The following PIBF1 variants were observed in gnomAD, a reference collection of about 807,000 sequenced individuals.
The protein encoded by PIBF1 is progesterone immunomodulatory binding factor 1.
In PIBF1, 90 loss-of-function variants were observed where a neutral mutation model predicts 112.5. The observed-to-expected ratio is 0.80, with a 90% CI of 0.67 to 0.95. PIBF1 has a LOEUF of 0.95. PIBF1 is among the 40% of genes least tolerant of loss of function. The pLI is 0.00. For synonymous variants in PIBF1, 301 were observed against 288.6 expected, an observed-to-expected ratio of 1.04 and a Z score of -0.44; for missense variants, 915 against 852.3, an observed-to-expected ratio of 1.07 and a Z score of -0.92.
At chr13:72,944,178 G>T (rs2042086560) in intron 14 of PIBF1, among the ~76,000 whole-genome samples, 1 of 152,152 alleles carries the variant, frequency 6.6e-6, no homozygotes, top group Admixed American at 6.6e-5. Context: ...CGGGTGTGGT[G>T]GCTAATGCCT....
intron 16 of PIBF1, among the ~76,000 whole-genome samples, chr13:72,998,471 TAAAA>T (rs71198167): frequency 7.4e-6 from 1 of 135,816 alleles, no homozygotes; most frequent in Non-Finnish European, 1.6e-5. Context: ...AGATCCTATC[TAAAA>T]AAAAAAAAAA....
intron 13 of PIBF1, among the ~76,000 whole-genome samples, chr13:72,921,407 C>T (rs1302732743): frequency 6.6e-6 from 1 of 152,136 alleles, no homozygotes; most frequent in African/African-American, 2.4e-5. Context: ...GCCACCACAC[C>T]AAGCCATGTT....
intron 16 of PIBF1, among the ~76,000 whole-genome samples, chr13:72,985,533 G>C (rs1309155042): frequency 6.6e-6 from 1 of 151,838 alleles, no homozygotes. Flanking sequence ...AACAGGGTGA[G>C]ACTCCGTCTC....
chr13:72,995,435 A>C (rs1278677091), intron 16 of PIBF1, among the ~76,000 whole-genome samples: 1 of 152,242 alleles, frequency 6.6e-6, no homozygotes, highest in East Asian at 1.9e-4. Context: ...ACATGGGTGC[A>C]TAAATAGACA....
chr13:72,812,866 C>G (rs1458383982), intron 5 of PIBF1, among the ~76,000 whole-genome samples: 1 of 151,550 alleles, frequency 6.6e-6, no homozygotes, highest in Non-Finnish European at 1.5e-5. Context: ...TGCTTGAGCC[C>G]GGGGTAGGGG....
At chr13:72,977,468 A>G (rs2043052805) in intron 16 of PIBF1, among the ~76,000 whole-genome samples, 2 of 152,194 alleles carry the variant, frequency 1.3e-5, no homozygotes, top group Admixed American at 6.5e-5. Context: ...TCAGCCTCCC[A>G]AAGTGCTGGG....
At chr13:72,798,624 A>G (rs1310693754) in intron 5 of PIBF1, among the ~76,000 whole-genome samples, 4 of 152,206 alleles carry the variant, frequency 2.6e-5, no homozygotes, top group Non-Finnish European at 4.4e-5. Context: ...ATCAACATTT[A>G]TATAGAAGGG....
At chr13:72,850,864 A>G (rs894119151) in intron 9 of PIBF1, among the ~76,000 whole-genome samples, 1 of 152,206 alleles carries the variant, frequency 6.6e-6, no homozygotes, top group African/African-American at 2.4e-5. Flanking sequence ...AAATAATAAT[A>G]TGCCATTTTT....
chr13:72,866,459 A>G (rs186476615), intron 10 of PIBF1, among the ~76,000 whole-genome samples: 226 of 150,078 alleles, frequency 1.5e-3, no homozygotes, highest in African/African-American at 5.6e-3. Flanking sequence ...CTGAAATTCT[A>G]TGATATTTCT....
At chr13:72,931,734 ATATATATATG>A (rs1317409233) in intron 14 of PIBF1, among the ~76,000 whole-genome samples, 10 of 144,516 alleles carry the variant, frequency 6.9e-5, no homozygotes, top group Admixed American at 2.1e-4. Flanking sequence ...ATATATATAT[ATATATATATG>A]TATGCATTTT....
rs371880100 is a variant in PIBF1 at position 72,917,206 on chromosome 13, A to T, written c.1730+40A>T. 7 of 1,194,752 alleles carry T rather than the reference A, an allele frequency of 5.9e-6. No homozygotes were observed. In the African/African-American group the frequency reaches 6.3e-5, roughly 11 times the overall value. The allele number at this position is 1,194,752 out of a possible 1,614,324, so 74.0% of individuals were successfully genotyped here. On this transcript the variant is annotated intron_variant, in intron 13 of 17. Coordinates refer to ENST00000326291, the MANE Select transcript of PIBF1 (RefSeq NM_006346.4). ...TATTTATTTTATTTATCTACTCAAG[A>T]TGAATGTAATTACATTTGTGCTTTC... is the stretch of plus-strand genomic sequence containing the variant.
intron 5 of PIBF1, among the ~76,000 whole-genome samples, chr13:72,809,132 CTTTTT>C (rs35219701): frequency 0.012 from 928 of 74,834 alleles, 15 homozygotes; most frequent in Middle Eastern, 0.037. Flanking sequence ...GTATATGTCC[CTTTTT>C]TTTTTTTTTT....
In PIBF1 at chr13:72,897,647, G is replaced by T. The variant is rs182926724; in HGVS notation, c.1488+3698G>T. ...GCATTTCATGCAATGAACACCAAAA[G>T]CGAGCAGGGGTAGCTATTCTTACAT... On this transcript the variant is annotated intron_variant, in intron 11 of 17. Transcript: ENST00000326291. Among the ~76,000 whole-genome samples the T allele has an allele frequency of 1.0e-3, 154 of 152,290 alleles. 1 individual carries two copies. The highest frequency in any genetic ancestry group is 3.4e-3 in the African/African-American group (141 of 41,560).
intron 2 of PIBF1, among the ~76,000 whole-genome samples, chr13:72,791,874 TCTGCCCGCCTCGGC>T (rs1194530305): frequency 6.6e-6 from 1 of 151,934 alleles, no homozygotes; most frequent in Non-Finnish European, 1.5e-5. Flanking sequence ...CCTCAAGTTG[TCTGCCCGCCTCGGC>T]CTCCCAAAGT....
intron 14 of PIBF1, among the ~76,000 whole-genome samples, chr13:72,942,643 A>G (rs2138821766): frequency 6.6e-6 from 1 of 152,292 alleles, no homozygotes; most frequent in Non-Finnish European, 1.5e-5. Flanking sequence ...GAAGAGATTA[A>G]AAACAGTATG....
At chr13:72,951,691 G>A (rs189031026) in intron 14 of PIBF1, among the ~76,000 whole-genome samples, 6 of 152,090 alleles carry the variant, frequency 3.9e-5, no homozygotes, top group Admixed American at 2.6e-4. Flanking sequence ...GGCTGGTGTC[G>A]TGCATTCTAT....
intron 13 of PIBF1, among the ~76,000 whole-genome samples, chr13:72,925,259 A>C (rs1164118895): frequency 1.3e-5 from 2 of 152,192 alleles, no homozygotes; most frequent in African/African-American, 4.8e-5. Context: ...TTAATTTAAA[A>C]CAGGATTTTA....
At chr13:72,810,154 A>T (rs1413024642) in intron 5 of PIBF1, among the ~76,000 whole-genome samples, 1 of 152,184 alleles carries the variant, frequency 6.6e-6, no homozygotes, top group African/African-American at 2.4e-5. Context: ...TTATGTTTAT[A>T]AAAGTGCTTA....
chr13:72,785,158 A>G (rs142234000), intron 2 of PIBF1, among the ~76,000 whole-genome samples: 2 of 152,232 alleles, frequency 1.3e-5, no homozygotes, highest in East Asian at 3.9e-4. Flanking sequence ...AGGTTTCAAT[A>G]TACAAATTTT....
Sources: allele counts gnomAD v4.1 joint callset (sites outside exome capture counted in the v4.1 genomes callset), GRCh38; gene constraint gnomAD v4.1.1; transcripts MANE v1.5; gene names NCBI Gene and HGNC (gene_info 2026-07-23, HGNC 2026-07-21).